Variants in NXPE3 observed in about 807,000 individuals in gnomAD.
NXPE3 encodes NXPE family member 3.
In NXPE3, 26 loss-of-function variants were observed where a neutral mutation model predicts 46.1. That is an observed-to-expected ratio of 0.56 (90% CI 0.41 to 0.78). The LOEUF (loss-of-function observed/expected upper bound fraction) is 0.78, where lower values mean the gene tolerates loss of function less well. NXPE3 is among the 30% of genes least tolerant of loss of function. The pLI, the probability that NXPE3 is intolerant of heterozygous loss-of-function variation, is 0.00. For synonymous variants in NXPE3, 272 were observed against 257.9 expected, an observed-to-expected ratio of 1.05 and a Z score of -0.52; for missense variants, 620 against 686.0, an observed-to-expected ratio of 0.90 and a Z score of 1.07.
intron 5 of NXPE3, among the ~76,000 whole-genome samples, chr3:101,806,384 T>C (rs557143080): frequency 1.3e-3 from 201 of 152,336 alleles, no homozygotes; most frequent in African/African-American, 4.6e-3. Context: ...CATGTTTTAA[T>C]GCAGCCCTCC....
At chr3:101,804,096 C>T (rs990950193) in intron 5 of NXPE3, among the ~76,000 whole-genome samples, 5 of 152,084 alleles carry the variant, frequency 3.3e-5, no homozygotes, top group African/African-American at 1.2e-4. Context: ...ATTCCAATTC[C>T]ACTGTCATAA....
At chr3:101,807,431 C>T (rs1444632593) in intron 6 of NXPE3, among the ~76,000 whole-genome samples, 1 of 151,986 alleles carries the variant, frequency 6.6e-6, no homozygotes, top group Non-Finnish European at 1.5e-5. Flanking sequence ...TTGATCCTCC[C>T]ATCTCAGCCT....
At chr3:101,794,065 G>T (rs1576741086) in intron 4 of NXPE3, among the ~76,000 whole-genome samples, 1 of 150,272 alleles carries the variant, frequency 6.7e-6, no homozygotes, top group Admixed American at 6.6e-5. Flanking sequence ...GTGTTTTATT[G>T]TCTGATGCCT....
chr3:101,818,740 TATATATA>T (rs1942091938), intron 7 of NXPE3, among the ~76,000 whole-genome samples: 3 of 33,486 alleles, frequency 9.0e-5, no homozygotes, highest in Non-Finnish European at 1.2e-4. Context: ...TATATATATA[TATATATA>T]TATATATTTT....
Position 101,801,961 on chromosome 3 carries a change from A to G in NXPE3, c.820A>G (p.Thr274Ala), listed in dbSNP as rs1245753301. The part of the protein sequence containing the change: ...FKGGYLKGLL[T>A]AAESAFFQSG... ...AGGTGGATACCTGAAAGGTCTCCTAACCGCTGCAGAGAGTGCTTTCTTCCA... is the reference window on the plus strand; with the variant it reads ...AGGTGGATACCTGAAAGGTCTCCTAGCCGCTGCAGAGAGTGCTTTCTTCCA... The change falls in exon 5 of 8, where the codon ACC (threonine) becomes GCC (alanine). Residue 274 changes from threonine (T) to alanine (A), a missense_variant. By Grantham distance (58) the Thr-to-Ala change is moderately conservative. Transcript: ENST00000273347. 1 of 1,611,494 alleles carries G rather than the reference A, an allele frequency of 6.2e-7. No homozygotes were observed. Among genetic ancestry groups the G allele is most frequent in the Admixed American group, 1.7e-5 (1 of 59,654 alleles).
In NXPE3 at chr3:101,801,576, G is replaced by A; in HGVS notation, c.435G>A (p.Gln145=). Residue 145 remains glutamine (Q), a synonymous_variant, in exon 5 of 8, where the codon CAG becomes CAA. Transcript: ENST00000273347. The part of the protein sequence containing the change: ...KPKKYGGDYL[Q]ARIHSLKLQA... ...AGAAGTATGGTGGAGACTACCTGCA[G>A]GCCAGAATTCACTCCCTCAAGCTGC... The A allele has an allele frequency of 2.5e-6, 4 of 1,614,230 alleles. No individual in the cohort carries two copies. The highest frequency in any genetic ancestry group is 3.4e-6 in the Non-Finnish European group (4 of 1,180,042).
Position 101,816,784 on chromosome 3 carries a change from T to C in NXPE3, c.923-11T>C, listed in dbSNP as rs1941989301. 6.3e-7 allele frequency: 1 copy of C among 1,593,188 alleles called. No homozygotes were observed. The highest frequency in any genetic ancestry group is 8.6e-7 in the Non-Finnish European group (1 of 1,167,996). ...AATATTAAAATATTTGTTTTTCTTTTTTCTTTGCAGAAACTAACAGTCTAG... is the reference window on the plus strand; with the variant it reads ...AATATTAAAATATTTGTTTTTCTTTCTTCTTTGCAGAAACTAACAGTCTAG... On this transcript the variant is annotated splice_polypyrimidine_tract_variant and intron_variant, in intron 6 of 7. Coordinates refer to ENST00000273347, the MANE Select transcript of NXPE3 (RefSeq NM_145037.4).
In NXPE3 at chr3:101,816,895, T is replaced by C. The variant is rs1941996999; in HGVS notation, c.1023T>C (p.Phe341=). Residue 341 remains phenylalanine (F), a synonymous_variant, in exon 7 of 8, where the codon TTT becomes TTC. Transcript: ENST00000273347. ...WRPRKFKMRQ[F]NDPDNITECL... is the part of the protein sequence containing the mutation. ...CCAGAAAGTTTAAGATGCGTCAGTT[T>C]AATGACCCTGACAACATTACAGAGT... 6.2e-6 allele frequency: 10 copies of C among 1,614,146 alleles called. No individual in the cohort carries two copies. The highest frequency in any genetic ancestry group is 8.5e-6 in the Non-Finnish European group (10 of 1,179,978).
At chr3:101,809,626 AT>A (rs1356638215) in intron 6 of NXPE3, among the ~76,000 whole-genome samples, 1 of 152,192 alleles carries the variant, frequency 6.6e-6, no homozygotes, top group Non-Finnish European at 1.5e-5. Context: ...TCCCTTCTTC[AT>A]TTTAAGTATT....
chr3:101,809,003 T>C (rs1226899624), intron 6 of NXPE3, among the ~76,000 whole-genome samples: 2 of 151,550 alleles, frequency 1.3e-5, no homozygotes, highest in Admixed American at 6.6e-5. Flanking sequence ...GATCTGTCCT[T>C]CTTCTCACAG....
rs1027083203 is a variant in NXPE3, at chr3:101,787,109, T to A, written c.93+1420T>A. Among the ~76,000 whole-genome samples, 15 of 151,540 alleles carry A rather than the reference T, an allele frequency of 9.9e-5. No homozygotes were observed. In the South Asian group the frequency reaches 1.2e-3, roughly 13 times the overall value. On this transcript the variant is annotated intron_variant, in intron 4 of 7. Transcript: ENST00000273347. ...CAGAGGTTGCTGTGAGCTGAGATCA[T>A]GCCACTGCATTCCAGCTTGGGCTAC...
At chr3:101,791,882 G>A (rs1342609388) in intron 4 of NXPE3, among the ~76,000 whole-genome samples, 1 of 152,112 alleles carries the variant, frequency 6.6e-6, no homozygotes, top group African/African-American at 2.4e-5. Flanking sequence ...TTCCACAATC[G>A]TTGAACTAAT....
intron 6 of NXPE3, among the ~76,000 whole-genome samples, chr3:101,815,725 G>A (rs576765886): frequency 5.3e-5 from 8 of 152,006 alleles, no homozygotes; most frequent in South Asian, 2.1e-4. Context: ...TTGGCCAGGC[G>A]TGGTGGCTCA....
Position 101,822,013 on chromosome 3 carries a change from T to TA in NXPE3, c.*60dup. On this transcript the variant is annotated 3_prime_UTR_variant, in exon 8 of 8. Coordinates refer to ENST00000273347, the MANE Select transcript of NXPE3 (RefSeq NM_145037.4). Reference sequence around the variant, plus strand: ...AATGACCTTCTCAATTGACCTGAGTTACAGAAAGTGGCCCCAGTGAGAGAT... The same window carrying TA: ...AATGACCTTCTCAATTGACCTGAGTTAACAGAAAGTGGCCCCAGTGAGAGAT... 1 of 1,513,084 alleles carries TA rather than the reference T, an allele frequency of 6.6e-7. No homozygotes were observed. The highest frequency in any genetic ancestry group is 1.7e-4 in the Middle Eastern group (1 of 5,724). The allele number at this position is 1,513,084 out of a possible 1,614,324, so 93.7% of individuals were successfully genotyped here. A position where few individuals can be genotyped will look rare whatever the true frequency, so the allele number is the denominator to read the frequency against.
At chr3:101,793,580 C>T (rs1441683495) in intron 4 of NXPE3, among the ~76,000 whole-genome samples, 1 of 132,484 alleles carries the variant, frequency 7.5e-6, no homozygotes, top group African/African-American at 2.7e-5. Flanking sequence ...CTCTATTCCC[C>T]TTTTTCCTTT....
chr3:101,788,967 C>G (rs927876802), intron 4 of NXPE3, among the ~76,000 whole-genome samples: 1 of 152,028 alleles, frequency 6.6e-6, no homozygotes, highest in Non-Finnish European at 1.5e-5. Context: ...TTCCAAAACC[C>G]CTTTTATCTT....
chr3:101,805,663 C>T (rs1285408024), intron 5 of NXPE3, among the ~76,000 whole-genome samples: 1 of 152,120 alleles, frequency 6.6e-6, no homozygotes, highest in Non-Finnish European at 1.5e-5. Context: ...TGGTCTCAGA[C>T]TCCTGGCCTC....
intron 4 of NXPE3, among the ~76,000 whole-genome samples, chr3:101,797,930 G>T (rs1940928009): frequency 1.2e-5 from 1 of 85,318 alleles, no homozygotes; most frequent in African/African-American, 4.7e-5. Flanking sequence ...AGTCATTTGG[G>T]TATATACCCA....
Position 101,801,714 on chromosome 3 carries a change from T to C in NXPE3, c.573T>C (p.Ser191=). The C allele has an allele frequency of 6.2e-7, 1 of 1,614,200 alleles. No individual in the cohort carries two copies. Among genetic ancestry groups the C allele is most frequent in the South Asian group, 1.1e-5 (1 of 91,086 alleles). ...VKVSVSLVHP[S]EGIRVLQRLQ... ...TATCCGTATCTCTGGTCCACCCCAG[T>C]GAAGGGATCAGAGTTCTTCAGCGCT... Residue 191 remains serine (S), a synonymous_variant, in exon 5 of 8, where the codon AGT becomes AGC. Transcript: ENST00000273347.
Sources: gnomAD v4.1 joint callset for allele counts (sites outside exome capture counted in the v4.1 genomes callset) on GRCh38, gnomAD v4.1.1 for gene constraint, MANE v1.5 for transcripts, NCBI Gene and HGNC (gene_info 2026-07-23, HGNC 2026-07-21) for gene names.